The following ZNF215 variants were observed in gnomAD, a reference collection of about 807,000 sequenced individuals.
ZNF215 encodes the protein BWSCR2-associated zinc finger protein 2.
ZNF215 carries 24 observed loss-of-function variants against 27.2 expected under a neutral mutation model. That is an observed-to-expected ratio of 0.88 (90% CI 0.64 to 1.24). The LOEUF (loss-of-function observed/expected upper bound fraction) is 1.24, where lower values mean the gene tolerates loss of function less well. Among genes scored for constraint, ZNF215 ranks in the 50% most tolerant of loss-of-function variants. ZNF215 has a pLI of 0.00. For missense variants in ZNF215, 675 were observed against 605.7 expected, an observed-to-expected ratio of 1.11 and a Z score of -1.20; for synonymous variants, 210 against 204.0, an observed-to-expected ratio of 1.03 and a Z score of -0.25.
chr11:6,980,139 C>A lies in ZNF215; in HGVS notation c.806-3990C>A, dbSNP rs534414863. On this transcript the variant is annotated intron_variant, in intron 5 of 5. Coordinates refer to the ZNF215 transcript ENST00000529903. Reference sequence around the variant, plus strand: ...GTCAACAATCAATCAGTTAACAAATCCCAGAAGCTATGTATGTATGCCTTT... The same window carrying A: ...GTCAACAATCAATCAGTTAACAAATACCAGAAGCTATGTATGTATGCCTTT... Among the ~76,000 whole-genome samples, 20 of 152,124 alleles carry A rather than the reference C, an allele frequency of 1.3e-4. No individual in the cohort carries two copies. The East Asian group carries it at 3.9e-3, about 29-fold the overall frequency.
At chr11:6,976,547 CT>C (rs1179800757) in intron 5 of ZNF215, among the ~76,000 whole-genome samples, 1 of 152,024 alleles carries the variant, frequency 6.6e-6, no homozygotes, top group Non-Finnish European at 1.5e-5. Context: ...ACTTAACTGA[CT>C]TTAGTCTTGT....
At chr11:6,955,507 A>G (rs1850297393) in intron 6 of ZNF215, among the ~76,000 whole-genome samples, 183 bp from the exon 7 acceptor site, 1 of 152,116 alleles carries the variant, frequency 6.6e-6, no homozygotes. Context: ...TTTATTTACT[A>G]ACCTCCTTTT....
downstream of ZNF215, chr11:6,958,124 G>A (rs923835465): frequency 2.1e-5 from 20 of 947,656 alleles, no homozygotes; most frequent in Non-Finnish European, 2.3e-5. Context: ...ATAGAAATTC[G>A]TATAAACAAG....
chr11:6,948,525 C>A (rs1406662914), intron 6 of ZNF215, among the ~76,000 whole-genome samples: 1 of 152,114 alleles, frequency 6.6e-6, no homozygotes, highest in Non-Finnish European at 1.5e-5. Flanking sequence ...AAAATGAAGA[C>A]ACTGAAGTTT....
chr11:6,992,318 G>C (rs1355200024), downstream of ZNF215, among the ~76,000 whole-genome samples: 1 of 152,144 alleles, frequency 6.6e-6, no homozygotes, highest in Non-Finnish European at 1.5e-5. Context: ...ATGGCAATAG[G>C]TAACCAAAAC....
intron 1 of ZNF215, among the ~76,000 whole-genome samples, chr11:6,927,103 GT>G (rs1255378027): frequency 6.6e-6 from 1 of 151,604 alleles, no homozygotes; most frequent in Non-Finnish European, 1.5e-5. Flanking sequence ...TGATCAGCTG[GT>G]TTGGGAATGG....
rs1850421037 is a variant in ZNF215 at position 6,957,683 on chromosome 11, T to C, written c.*1152T>C. ...ATGGTAAAATTGGTTTTGTTATACATCATTTCACTTAAAGTTGCAGTTCCT... is the reference window on the plus strand; with the variant it reads ...ATGGTAAAATTGGTTTTGTTATACACCATTTCACTTAAAGTTGCAGTTCCT... On this transcript the variant is annotated 3_prime_UTR_variant, in exon 7 of 7. Transcript: ENST00000278319. The C allele has an allele frequency of 1.1e-6, 1 of 934,670 alleles. No individual in the cohort carries two copies. The highest frequency in any genetic ancestry group is 1.3e-6 in the Non-Finnish European group (1 of 783,904). The allele number at this position is 934,670 out of a possible 1,614,324, so 57.9% of individuals were successfully genotyped here. A position where few individuals can be genotyped will look rare whatever the true frequency, so the allele number is the denominator to read the frequency against.
chr11:6,940,923 C>T (rs1387389542), intron 3 of ZNF215, among the ~76,000 whole-genome samples: 3 of 152,028 alleles, frequency 2.0e-5, no homozygotes, highest in Admixed American at 6.5e-5. Context: ...TTTATTTCAC[C>T]GTGAATCAGT....
chr11:6,988,353 T>C, downstream of ZNF215: 1 of 713,544 alleles, frequency 1.4e-6, no homozygotes, highest in Non-Finnish European at 1.7e-6. Flanking sequence ...TGGATTAGAG[T>C]AGGATGAACA....
At chr11:6,972,424 AC>A (rs1850736443) in intron 5 of ZNF215, among the ~76,000 whole-genome samples, 1 of 147,620 alleles carries the variant, frequency 6.8e-6, no homozygotes, top group Non-Finnish European at 1.5e-5. Flanking sequence ...TTTTTTTTTA[AC>A]CAATATTGTA....
intron 3 of ZNF215, among the ~76,000 whole-genome samples, chr11:6,936,025 T>C (rs1849424903): frequency 6.6e-6 from 1 of 152,038 alleles, no homozygotes. Context: ...CCAAAACTTA[T>C]GACATACAGT....
At chr11:6,940,172 G>A (rs904188180) in intron 3 of ZNF215, among the ~76,000 whole-genome samples, 1 of 150,998 alleles carries the variant, frequency 6.6e-6, no homozygotes. Flanking sequence ...GTTTGAGATT[G>A]TAGTGAGGTG....
chr11:6,947,073 T>A lies in ZNF215; in HGVS notation c.712+3432T>A, dbSNP rs538936172. 1.4e-3 allele frequency among the ~76,000 whole-genome samples: 211 copies of A among 152,328 alleles called. 2 individuals carry two copies. In the South Asian group the frequency reaches 0.041, roughly 30 times the overall value. On this transcript the variant is annotated intron_variant, in intron 6 of 6. Transcript: ENST00000278319. ...ATTCATGGTGTCTGCCACACTTTTT[T>A]AAAATTTATGTAACTCTGTATTTCC...
intron 6 of ZNF215, among the ~76,000 whole-genome samples, chr11:6,950,424 G>C (rs976267005): frequency 2.0e-5 from 3 of 152,166 alleles, no homozygotes; most frequent in South Asian, 4.2e-4. Context: ...GTGGTTTGTA[G>C]TTCTCCTTGA....
chr11:6,956,460 TGTA>T lies in ZNF215; in HGVS notation c.1487_1489del (p.Ser496del). On this transcript the variant is annotated inframe_deletion, in exon 7 of 7. Transcript: ENST00000278319. ...AGAGAAACCATTCAAATGTAAGGAA[TGTA>T]GTAAAGCCTTCAACAGGAGTTCAAA... The T allele has an allele frequency of 6.2e-7, 1 of 1,614,066 alleles. No homozygotes were observed. The highest frequency in any genetic ancestry group is 1.3e-5 in the African/African-American group (1 of 75,044).
At chr11:6,953,927 T>C (rs2133283916) in intron 6 of ZNF215, among the ~76,000 whole-genome samples, 1 of 152,302 alleles carries the variant, frequency 6.6e-6, no homozygotes, top group South Asian at 2.1e-4. Context: ...TGGATGTCCT[T>C]TCTGTTTGTT....
At chr11:6,952,767 T>C (rs1369452659) in intron 6 of ZNF215, among the ~76,000 whole-genome samples, 1 of 152,170 alleles carries the variant, frequency 6.6e-6, no homozygotes, top group Non-Finnish European at 1.5e-5. Flanking sequence ...GTGAGTTTGA[T>C]CCTATCATTA....
downstream of ZNF215, among the ~76,000 whole-genome samples, chr11:6,958,861 G>A (rs1023504501): frequency 3.9e-5 from 6 of 152,184 alleles, no homozygotes; most frequent in Non-Finnish European, 1.5e-5. Context: ...GGAACTGGAC[G>A]AAGTAGTAGG....
chr11:6,956,255 A>C lies in ZNF215; in HGVS notation c.1278A>C (p.Gln426His), dbSNP rs544955839. The C allele has an allele frequency of 2.5e-6, 4 of 1,613,972 alleles. No homozygotes were observed. In the East Asian group the frequency reaches 8.9e-5, roughly 36 times the overall value. The change falls in exon 7 of 7, where the codon CAA becomes CAC. Residue 426 changes from glutamine (Q) to histidine (H), a missense_variant. Transcript: ENST00000278319. ...FNRRTNLTKH[Q>H]KLHAEAKACT... ...GACGTACAAACCTTACTAAGCATCA[A>C]AAACTTCATGCTGAAGCAAAGGCCT...
Sources: allele counts gnomAD v4.1 joint callset (sites outside exome capture counted in the v4.1 genomes callset), GRCh38; gene constraint gnomAD v4.1.1; transcripts MANE v1.5; gene names NCBI Gene and HGNC (gene_info 2026-07-23, HGNC 2026-07-21).